Variants in GALNT13 observed in about 807,000 individuals in gnomAD.
GALNT13 encodes UDP-GalNAc:polypeptide N-acetylgalactosaminyltransferase 13.
GALNT13 carries 28 observed loss-of-function variants against 64.2 expected under a neutral mutation model. That is an observed-to-expected ratio of 0.44 (90% confidence interval 0.32 to 0.60). The LOEUF (loss-of-function observed/expected upper bound fraction) is 0.60. GALNT13 is among the 20% of genes least tolerant of loss of function. GALNT13 has a pLI of 0.05. For missense variants in GALNT13, 577 were observed against 669.8 expected (o/e 0.86, Z 1.53); for synonymous variants, 214 against 224.6 (o/e 0.95, Z 0.42).
the GALNT13 span, among the ~76,000 whole-genome samples, chr2:153,774,702 C>G: frequency 6.6e-6 from 1 of 152,030 alleles, no homozygotes; most frequent in Non-Finnish European, 1.5e-5. Flanking sequence ...TCAGACCAGC[C>G]TGAGCAACAA....
At chr2:153,703,205 T>G in the GALNT13 span, among the ~76,000 whole-genome samples, 1 of 152,336 alleles carries the variant, frequency 6.6e-6, no homozygotes, top group East Asian at 1.9e-4. Context: ...ATGTGTCTTC[T>G]CCATACACAT....
the GALNT13 span, among the ~76,000 whole-genome samples, chr2:153,433,873 C>A: frequency 6.6e-6 from 1 of 151,830 alleles, no homozygotes; most frequent in Non-Finnish European, 1.5e-5. Flanking sequence ...TACATGTGCA[C>A]CACGTACAGG....
At chr2:153,233,863 C>T in the GALNT13 span, among the ~76,000 whole-genome samples, 1 of 151,990 alleles carries the variant, frequency 6.6e-6, no homozygotes, top group East Asian at 1.9e-4. Flanking sequence ...AAATTTATTT[C>T]CAGCAAAATA....
intron 4 of GALNT13, among the ~76,000 whole-genome samples, chr2:154,198,729 T>C (rs1047136462): frequency 5.9e-5 from 9 of 151,930 alleles, no homozygotes; most frequent in Non-Finnish European, 1.5e-5. Flanking sequence ...AATGACCCAG[T>C]AACAAATTAG....
At chr2:153,435,715 A>G in the GALNT13 span, among the ~76,000 whole-genome samples, 7 of 152,158 alleles carry the variant, frequency 4.6e-5, no homozygotes, top group Non-Finnish European at 8.8e-5. Context: ...TATCAGCTTA[A>G]GGAGATTTTG....
chr2:153,222,343 G>GGGGGGGGGGGGGGT, the GALNT13 span, among the ~76,000 whole-genome samples: 1 of 103,788 alleles, frequency 9.6e-6, no homozygotes. Flanking sequence ...GGGGGGGGGG[G>GGGGGGGGGGGGGGT]TTGGGCTTAT....
intron 9 of GALNT13, among the ~76,000 whole-genome samples, chr2:154,344,466 C>T (rs1259589764): frequency 6.6e-6 from 1 of 152,058 alleles, no homozygotes; most frequent in African/African-American, 2.4e-5. Context: ...ATTAGCTTGA[C>T]ATCATGGGGA....
intron 1 of GALNT13, among the ~76,000 whole-genome samples, chr2:153,886,084 A>C (rs1687155712): frequency 6.6e-6 from 1 of 151,984 alleles, no homozygotes; most frequent in Non-Finnish European, 1.5e-5. Context: ...ATACCACAAA[A>C]ATATATTGTG....
chr2:153,522,074 C>T, the GALNT13 span, among the ~76,000 whole-genome samples: 1 of 152,196 alleles, frequency 6.6e-6, no homozygotes, highest in Admixed American at 6.5e-5. Flanking sequence ...GCACATCATG[C>T]CTGTAATCCC....
intron 4 of GALNT13, among the ~76,000 whole-genome samples, chr2:154,165,247 C>G (rs1305837326): frequency 6.6e-6 from 1 of 152,114 alleles, no homozygotes; most frequent in Non-Finnish European, 1.5e-5. Flanking sequence ...CCTTGGGGAA[C>G]TTTTACCTCC....
the GALNT13 span, among the ~76,000 whole-genome samples, chr2:153,809,549 C>T: frequency 0.01 from 1,574 of 152,220 alleles, 31 homozygotes; most frequent in African/African-American, 0.036. Context: ...CAAACTTTTG[C>T]CTGTATATCT....
the GALNT13 span, among the ~76,000 whole-genome samples, chr2:153,331,984 T>C: frequency 8.5e-5 from 13 of 152,200 alleles, no homozygotes; most frequent in African/African-American, 3.1e-4. Context: ...TAATAGTCTC[T>C]GAGAAGGTTT....
intron 11 of GALNT13, among the ~76,000 whole-genome samples, chr2:154,427,299 T>C (rs1224489948): frequency 3.3e-5 from 5 of 152,220 alleles, no homozygotes; most frequent in African/African-American, 9.6e-5. Flanking sequence ...TGTTGCAGTA[T>C]TGTCCAATTC....
At chr2:153,222,332 T>TGGGGGGGGGGGTGGGGGGGGGGGGGGGG in the GALNT13 span, among the ~76,000 whole-genome samples, 1 of 103,788 alleles carries the variant, frequency 9.6e-6, no homozygotes. Context: ...GGGGGTGGGG[T>TGGGGGGGGGGGTGGGGGGGGGGGGGGGG]GGGGGGGGGG....
intron 3 of GALNT13, among the ~76,000 whole-genome samples, chr2:154,052,734 C>CTTT (rs548779869): frequency 1.9e-4 from 24 of 123,124 alleles, no homozygotes; most frequent in Non-Finnish European, 2.8e-4. Flanking sequence ...ACAGAATTGA[C>CTTT]TTTTTTTTTT....
At chr2:153,621,118 G>GTC in the GALNT13 span, among the ~76,000 whole-genome samples, 79 of 150,496 alleles carry the variant, frequency 5.2e-4, no homozygotes, top group African/African-American at 1.6e-3. Flanking sequence ...AACAGAGTCC[G>GTC]TCTCTCTCTC....
chr2:154,082,076 T>C (rs1701299107), intron 3 of GALNT13, among the ~76,000 whole-genome samples: 1 of 151,760 alleles, frequency 6.6e-6, no homozygotes, highest in Non-Finnish European at 1.5e-5. Context: ...TATCCAAAGG[T>C]TACAGTGTAA....
chr2:153,717,395 A>G, the GALNT13 span, among the ~76,000 whole-genome samples: 1 of 152,230 alleles, frequency 6.6e-6, no homozygotes, highest in Non-Finnish European at 1.5e-5. Context: ...TTAAGCATCT[A>G]TTGAGGAAAT....
At chr2:153,228,348 G>A in the GALNT13 span, among the ~76,000 whole-genome samples, 85 of 152,178 alleles carry the variant, frequency 5.6e-4, no homozygotes, top group East Asian at 0.016. Flanking sequence ...TATATTGCTT[G>A]TTTTTAAAAA....
Sources: gnomAD v4.1 joint callset for allele counts (sites outside exome capture counted in the v4.1 genomes callset) on GRCh38, gnomAD v4.1.1 for gene constraint, MANE v1.5 for transcripts, NCBI Gene and HGNC (gene_info 2026-07-23, HGNC 2026-07-21) for gene names.